The following MAGI2 variants were observed in gnomAD, a reference collection of about 807,000 sequenced individuals.
MAGI2 encodes the protein membrane associated guanylate kinase, WW and PDZ domain containing 2.
A neutral mutation model predicts 133.3 loss-of-function variants in MAGI2; 35 were observed. That is an observed-to-expected ratio of 0.26 (90% confidence interval 0.20 to 0.35). The LOEUF (loss-of-function observed/expected upper bound fraction) is 0.35, where lower values mean the gene tolerates loss of function less well. Among genes scored for constraint, MAGI2 ranks in the 10% least tolerant of loss-of-function variants. The probability of loss-of-function intolerance (pLI) is 1.00; values close to 1 mark genes in which losing one functional copy is unlikely to be tolerated. For missense variants in MAGI2, 1,636 were observed against 1,863.4 expected, an observed-to-expected ratio of 0.88 and a Z score of 2.25; for synonymous variants, 729 against 710.6, an observed-to-expected ratio of 1.03 and a Z score of -0.41.
chr7:78,044,163 T>C (rs3807778), intron 21 of MAGI2, among the ~76,000 whole-genome samples: 10,157 of 152,302 alleles, frequency 0.067, 344 homozygotes, highest in South Asian at 0.078. Flanking sequence ...CTCCAAAATT[T>C]ACGGTACCAT....
At chr7:79,388,796 T>C (rs1844386845) in intron 1 of MAGI2, among the ~76,000 whole-genome samples, 1 of 150,972 alleles carries the variant, frequency 6.6e-6, no homozygotes, top group Non-Finnish European at 1.5e-5. Context: ...ATATATGTCT[T>C]GAAATCAAAT....
intron 10 of MAGI2, among the ~76,000 whole-genome samples, chr7:78,228,643 T>C (rs1789650244): frequency 6.6e-6 from 1 of 152,232 alleles, no homozygotes; most frequent in Admixed American, 6.5e-5. Context: ...AGTGTTTATA[T>C]TTAAAATACT....
intron 2 of MAGI2, among the ~76,000 whole-genome samples, chr7:79,002,858 A>G (rs963501448): frequency 4.0e-5 from 5 of 125,526 alleles, no homozygotes; most frequent in Non-Finnish European, 8.4e-5. Flanking sequence ...CTTTTATTGA[A>G]AAGTGTGTGT....
intron 6 of MAGI2, among the ~76,000 whole-genome samples, chr7:78,420,296 C>G (rs975061976): frequency 8.5e-5 from 13 of 152,098 alleles, no homozygotes; most frequent in Non-Finnish European, 1.8e-4. Flanking sequence ...AAGTGAAGAA[C>G]AAGAAGTAAA....
At chr7:79,331,787 AT>A (rs890941022) in intron 1 of MAGI2, among the ~76,000 whole-genome samples, 1 of 152,002 alleles carries the variant, frequency 6.6e-6, no homozygotes, top group African/African-American at 2.4e-5. Flanking sequence ...TCAACTAGTA[AT>A]TTTTTAAAAA....
chr7:78,617,048 T>G (rs989669862), intron 3 of MAGI2: 1 of 152,078 alleles, frequency 6.6e-6, no homozygotes, highest in Non-Finnish European at 1.5e-5. Context: ...TGGAACAGAA[T>G]AGAAAATGAG....
intron 10 of MAGI2, among the ~76,000 whole-genome samples, chr7:78,212,609 A>G (rs1300802499): frequency 6.6e-6 from 1 of 152,212 alleles, no homozygotes; most frequent in Admixed American, 6.5e-5. Context: ...CTACAGTACT[A>G]TAAGGTCAGT....
intron 9 of MAGI2, among the ~76,000 whole-genome samples, chr7:78,259,211 C>A (rs1409898934): frequency 6.6e-6 from 1 of 152,012 alleles, no homozygotes; most frequent in Non-Finnish European, 1.5e-5. Flanking sequence ...TTTTTTAACT[C>A]ATTGACTATT....
At chr7:78,063,734 G>C (rs1813524316) in intron 21 of MAGI2, among the ~76,000 whole-genome samples, 1 of 152,134 alleles carries the variant, frequency 6.6e-6, no homozygotes, top group Non-Finnish European at 1.5e-5. Flanking sequence ...CACTTGGGTA[G>C]AATTTTCTAC....
chr7:78,713,001 C>T lies in MAGI2; in HGVS notation c.419-85762G>A, dbSNP rs182570095. On this transcript the variant is annotated intron_variant, in intron 2 of 21. Coordinates refer to ENST00000354212, the MANE Select transcript of MAGI2 (RefSeq NM_012301.4). Reference sequence around the variant, plus strand: ...ACAATCTAAGATGGGAATTTACATACGAAAATGAAAACATTAGACCTTTAA... The same window carrying T: ...ACAATCTAAGATGGGAATTTACATATGAAAATGAAAACATTAGACCTTTAA... Among the ~76,000 whole-genome samples the T allele has an allele frequency of 3.4e-3, 515 of 152,058 alleles. 1 individual carries two copies. Among genetic ancestry groups the T allele is most frequent in the African/African-American group, 0.012 (485 of 41,488 alleles).
intron 10 of MAGI2, among the ~76,000 whole-genome samples, chr7:78,237,398 T>C (rs949988298): frequency 6.6e-6 from 1 of 152,136 alleles, no homozygotes; most frequent in Non-Finnish European, 1.5e-5. Flanking sequence ...CTAGTCCTGG[T>C]TCTTTTTGTA....
At chr7:79,005,748 T>TG (rs1807371474) in intron 2 of MAGI2, among the ~76,000 whole-genome samples, 1 of 152,210 alleles carries the variant, frequency 6.6e-6, no homozygotes, top group Non-Finnish European at 1.5e-5. Context: ...GTCCACCCGT[T>TG]ACCTTATAAA....
chr7:78,077,590 G>T (rs62461181), intron 21 of MAGI2, among the ~76,000 whole-genome samples: 1 of 143,806 alleles, frequency 7.0e-6, no homozygotes, highest in Non-Finnish European at 1.5e-5. Context: ...TGGAAACAAC[G>T]CATTTAAGGT....
intron 1 of MAGI2, among the ~76,000 whole-genome samples, chr7:79,164,043 G>A (rs897063269): frequency 1.1e-4 from 16 of 151,954 alleles, no homozygotes; most frequent in Admixed American, 3.9e-4. Context: ...TGTTTAAAAC[G>A]ATTACCATCA....
At chr7:79,165,744 C>T (rs977351191) in intron 1 of MAGI2, among the ~76,000 whole-genome samples, 3 of 152,042 alleles carry the variant, frequency 2.0e-5, no homozygotes, top group African/African-American at 7.2e-5. Context: ...AAATTATAAA[C>T]TCATGTCTCA....
intron 2 of MAGI2, among the ~76,000 whole-genome samples, chr7:78,966,862 A>G (rs1803360083): frequency 6.9e-6 from 1 of 145,584 alleles, no homozygotes; most frequent in African/African-American, 2.6e-5. Flanking sequence ...TTTAGATAAT[A>G]GCCATCTTAA....
intron 2 of MAGI2, among the ~76,000 whole-genome samples, chr7:78,723,333 T>A (rs1820441300): frequency 6.6e-6 from 1 of 152,178 alleles, no homozygotes; most frequent in African/African-American, 2.4e-5. Flanking sequence ...ATTTAGCACT[T>A]ACTAAATTCA....
At position 79,171,820 on chromosome 7, in the gene MAGI2, C is replaced by T. The variant is rs564638424; in HGVS notation, c.302-164614G>A. Reference sequence around the variant, plus strand: ...GGGTCTCCAAAATACTACCTAATTTCATAGAGTCCCAAACACATGTTGACA... The same window carrying T: ...GGGTCTCCAAAATACTACCTAATTTTATAGAGTCCCAAACACATGTTGACA... On this transcript the variant is annotated intron_variant, in intron 1 of 21. Transcript: ENST00000354212. Among the ~76,000 whole-genome samples, 15 of 127,670 alleles carry T rather than the reference C, an allele frequency of 1.2e-4. No homozygotes were observed. The South Asian group carries it at 3.6e-3, about 31-fold the overall frequency. The allele number at this position is 127,670 out of a possible 152,430, so 83.8% of individuals were successfully genotyped here.
At chr7:78,935,882 T>C (rs941264423) in intron 2 of MAGI2, among the ~76,000 whole-genome samples, 2 of 152,128 alleles carry the variant, frequency 1.3e-5, no homozygotes, top group African/African-American at 2.4e-5. Context: ...CATGTTATAA[T>C]GTTCCAGAAT....
Sources: allele counts gnomAD v4.1 joint callset (sites outside exome capture counted in the v4.1 genomes callset), GRCh38; gene constraint gnomAD v4.1.1; transcripts MANE v1.5; gene names NCBI Gene and HGNC (gene_info 2026-07-23, HGNC 2026-07-21).